CLPB: variants seen among roughly 807,000 people sequenced by gnomAD.
The protein encoded by CLPB is mitochondrial disaggregase.
CLPB carries 40 observed loss-of-function variants against 78.4 expected under a neutral mutation model. The observed-to-expected ratio is 0.51, with a 90% CI of 0.40 to 0.66. CLPB has a LOEUF of 0.66. Among genes scored for constraint, CLPB ranks in the 30% least tolerant of loss-of-function variants. The pLI is 0.00. For missense variants in CLPB, 780 were observed against 886.9 expected (o/e 0.88, Z 1.53); for synonymous variants, 333 against 348.0 (o/e 0.96, Z 0.48).
At chr11:72,414,405 A>G (rs1286581225) in intron 2 of CLPB, among the ~76,000 whole-genome samples, 1 of 152,262 alleles carries the variant, frequency 6.6e-6, no homozygotes, top group Admixed American at 6.5e-5. Context: ...GTCACACTAC[A>G]GCAGTGAGAC....
chr11:72,357,363 G>A (rs1950737876), intron 5 of CLPB, among the ~76,000 whole-genome samples: 11 of 152,162 alleles, frequency 7.2e-5, no homozygotes, highest in Admixed American at 7.2e-4. Context: ...AAGTGACTAG[G>A]TAGCAAAAGA....
chr11:72,380,351 A>G lies in CLPB; in HGVS notation c.576T>C (p.Asp192=). ...TGCTGAAATCATCTCCAAGGTTTGG[A>G]TCAGCCCCAGCAGCAAGCAGGACCT... The part of the protein sequence containing the change: ...VVQVLLAAGA[D]PNLGDDFSSV... The change falls in exon 4 of 16, where the codon GAT becomes GAC. Residue 192 remains aspartate, a synonymous_variant. Coordinates refer to ENST00000538039, the MANE Select transcript of CLPB (RefSeq NM_001258392.3). 6.2e-7 allele frequency: 1 copy of G among 1,614,196 alleles called. No homozygotes were observed. Among genetic ancestry groups the G allele is most frequent in the African/African-American group, 1.3e-5 (1 of 75,062 alleles).
At chr11:72,340,953 C>T (rs1397842484) in intron 5 of CLPB, among the ~76,000 whole-genome samples, 1 of 152,134 alleles carries the variant, frequency 6.6e-6, no homozygotes, top group Non-Finnish European at 1.5e-5. Flanking sequence ...TGGGTTCACG[C>T]CATTCTCCTG....
chr11:72,302,143 A>G, intron 10 of CLPB, 161 bp downstream of exon 10: 2 of 966,776 alleles, frequency 2.1e-6, no homozygotes, highest in Non-Finnish European at 3.1e-6. Flanking sequence ...CTTCAGAGCA[A>G]ATCCTATGTG....
chr11:72,359,456 G>T (rs1000962355), intron 4 of CLPB, among the ~76,000 whole-genome samples: 3 of 152,214 alleles, frequency 2.0e-5, no homozygotes, highest in African/African-American at 7.2e-5. Context: ...TGCAGGTAAA[G>T]AAAGCAGGTT....
At chr11:72,309,590 G>A (rs1949806853) in intron 7 of CLPB, among the ~76,000 whole-genome samples, 1 of 152,186 alleles carries the variant, frequency 6.6e-6, no homozygotes, top group Non-Finnish European at 1.5e-5. Flanking sequence ...CGAAACTGAG[G>A]CAACAGATAG....
intron 5 of CLPB, among the ~76,000 whole-genome samples, chr11:72,332,558 T>C (rs1565443744): frequency 6.6e-6 from 1 of 152,034 alleles, no homozygotes; most frequent in Non-Finnish European, 1.5e-5. Flanking sequence ...AGGTATACAA[T>C]TCAGTGGTTT....
chr11:72,394,968 G>A (rs1399854409), intron 3 of CLPB, among the ~76,000 whole-genome samples: 3 of 152,070 alleles, frequency 2.0e-5, no homozygotes, highest in Admixed American at 6.5e-5. Flanking sequence ...TTGCTTCTAC[G>A]AGCACATCTC....
intron 2 of CLPB, among the ~76,000 whole-genome samples, chr11:72,426,561 G>T (rs948830449): frequency 6.6e-6 from 1 of 152,116 alleles, no homozygotes; most frequent in Non-Finnish European, 1.5e-5. Context: ...GAGGGAGGGA[G>T]CGAGGGAGGG....
At position 72,434,312 on chromosome 11, in the gene CLPB, GC is replaced by G. The variant is rs756188595; in HGVS notation, c.162del (p.Arg55AlafsTer163). The G allele has an allele frequency of 1.2e-6, 2 of 1,612,096 alleles. No homozygotes were observed. On this transcript the variant is annotated frameshift_variant, in exon 1 of 16. Coordinates refer to ENST00000538039, the MANE Select transcript of CLPB (RefSeq NM_001258392.3). LOFTEE classifies it high-confidence loss of function. ...AACAAGGCCGGCGATGTTCCAGGGC[GC>G]CCCCCGGTGGCTACCCTCAGCCACT... is the stretch of plus-strand genomic sequence containing the variant. The part of the protein sequence containing the change: ...EPQWLRVATG[G>X]RPGTSPALFS...
At position 72,293,623 on chromosome 11, in the gene CLPB, T is replaced by A; in HGVS notation, c.1786-8A>T. The A allele has an allele frequency of 6.2e-7, 1 of 1,607,448 alleles. No individual in the cohort carries two copies. The highest frequency in any genetic ancestry group is 1.3e-5 in the African/African-American group (1 of 74,936). On this transcript the variant is annotated splice_polypyrimidine_tract_variant and splice_region_variant and intron_variant, in intron 15 of 15. Coordinates refer to ENST00000538039, the MANE Select transcript of CLPB (RefSeq NM_001258392.3). ...CACCACACGGCGTTCTACCTGTCGG[T>A]GGGGAGGTGAAGTGGTCACTCCCTC...
intron 4 of CLPB, among the ~76,000 whole-genome samples, chr11:72,369,272 G>A (rs1352514994): frequency 2.0e-5 from 3 of 152,076 alleles, no homozygotes; most frequent in African/African-American, 7.2e-5. Flanking sequence ...TCTGTTAGTC[G>A]GTTATCTACA....
At chr11:72,373,658 A>C (rs1165995602) in intron 4 of CLPB, among the ~76,000 whole-genome samples, 2 of 152,160 alleles carry the variant, frequency 1.3e-5, no homozygotes, top group Admixed American at 6.5e-5. Flanking sequence ...TCTTTCAAGA[A>C]TATCACATTG....
chr11:72,387,297 G>C (rs1479169219), intron 3 of CLPB, among the ~76,000 whole-genome samples: 1 of 152,144 alleles, frequency 6.6e-6, no homozygotes, highest in African/African-American at 2.4e-5. Context: ...TAATTATTAG[G>C]ATAATAAGAG....
chr11:72,406,580 C>T (rs1855716448), intron 2 of CLPB, among the ~76,000 whole-genome samples: 1 of 152,190 alleles, frequency 6.6e-6, no homozygotes, highest in African/African-American at 2.4e-5. Context: ...CCCTACTATC[C>T]TATCTCACTT....
intron 2 of CLPB, among the ~76,000 whole-genome samples, chr11:72,410,271 T>C (rs1411195918): frequency 6.6e-6 from 1 of 152,096 alleles, no homozygotes; most frequent in East Asian, 1.9e-4. Context: ...TGTTACTTAC[T>C]AAGTGAGGAG....
intron 5 of CLPB, chr11:72,354,286 T>C (rs1448339128): frequency 7.6e-6 from 3 of 397,056 alleles, no homozygotes; most frequent in Non-Finnish European, 1.3e-5. Flanking sequence ...TGTATATATA[T>C]ATATATATAT....
chr11:72,311,817 C>T lies in CLPB; in HGVS notation c.989-3213G>A, dbSNP rs186437400. ...CCTGGCTCCCTTCTCTGGCCAGTCC[C>T]ATCGCCACAAGCTCCAGGCAGGCTG... On this transcript the variant is annotated intron_variant, in intron 7 of 15. Coordinates refer to ENST00000538039, the MANE Select transcript of CLPB (RefSeq NM_001258392.3). Among the ~76,000 whole-genome samples, 701 of 152,372 alleles carry T rather than the reference C, an allele frequency of 4.6e-3. 10 individuals carry two copies. The highest frequency in any genetic ancestry group is 5.0e-3 in the Non-Finnish European group (342 of 68,044).
intron 5 of CLPB, among the ~76,000 whole-genome samples, chr11:72,344,657 TA>T (rs1047848090): frequency 1.1e-4 from 17 of 152,166 alleles, no homozygotes; most frequent in African/African-American, 4.1e-4. Context: ...CATTCTCCTT[TA>T]AAAAACAGCT....
Sources: allele counts gnomAD v4.1 joint callset (sites outside exome capture counted in the v4.1 genomes callset), GRCh38; gene constraint gnomAD v4.1.1; transcripts MANE v1.5; gene names NCBI Gene and HGNC (gene_info 2026-07-23, HGNC 2026-07-21).